Variants in IL1RAPL2 observed in about 807,000 individuals in gnomAD.
The protein encoded by IL1RAPL2 is interleukin 1 receptor accessory protein like 2.
Under a neutral mutation model 44.1 loss-of-function variants are expected in IL1RAPL2, and 3 were observed. That is an observed-to-expected ratio of 0.07 (90% CI 0.03 to 0.18). The LOEUF is 0.18. Among genes scored for constraint, IL1RAPL2 ranks in the 10% least tolerant of loss-of-function variants. The pLI is 1.00. For synonymous variants in IL1RAPL2, 181 were observed against 178.8 expected (o/e 1.01, Z -0.10); for missense variants, 391 against 496.4 (o/e 0.79, Z 2.02).
At chrX:105,351,882 A>T (rs755402610) in intron 5 of IL1RAPL2, among the ~76,000 whole-genome samples, 3 of 111,829 alleles carry the variant, frequency 2.7e-5, no homozygotes, top group Admixed American at 9.5e-5. Flanking sequence ...TTTAATGTCC[A>T]TACTTGGCAA....
At chrX:105,380,206 G>A (rs758009192) in intron 5 of IL1RAPL2, among the ~76,000 whole-genome samples, 55 of 111,485 alleles carry the variant, frequency 4.9e-4, no homozygotes, top group Admixed American at 3.6e-3. Flanking sequence ...TGAGGAAAAC[G>A]AATTTTATAT....
At chrX:104,710,224 G>A (rs1455953434) in intron 2 of IL1RAPL2, among the ~76,000 whole-genome samples, 2 of 111,458 alleles carry the variant, frequency 1.8e-5, no homozygotes, top group Non-Finnish European at 3.8e-5. Context: ...GCCAAAAGGT[G>A]CAAATGGGCC....
chrX:104,613,289 T>G (rs1319227438), intron 1 of IL1RAPL2, among the ~76,000 whole-genome samples: 1 of 111,747 alleles, frequency 8.9e-6, no homozygotes, highest in Non-Finnish European at 1.9e-5. Flanking sequence ...AGTATAATGT[T>G]GGCTGTGGGT....
At chrX:104,599,466 T>A (rs1308378140) in intron 1 of IL1RAPL2, among the ~76,000 whole-genome samples, 2 of 109,925 alleles carry the variant, frequency 1.8e-5, no homozygotes, top group Non-Finnish European at 3.8e-5. Context: ...GAGGCTGATC[T>A]CGAACTCCTG....
intron 2 of IL1RAPL2, among the ~76,000 whole-genome samples, chrX:104,689,022 C>A (rs1931040887): frequency 1.8e-5 from 2 of 111,384 alleles, no homozygotes; most frequent in African/African-American, 3.3e-5. Context: ...TACCATCTGA[C>A]CTTCAAAGTT....
At chrX:104,957,816 C>T (rs958615697) in intron 2 of IL1RAPL2, among the ~76,000 whole-genome samples, 2 of 111,839 alleles carry the variant, frequency 1.8e-5, no homozygotes, top group African/African-American at 6.5e-5. Context: ...GGCACAGTGG[C>T]TCATGCCTAT....
intron 2 of IL1RAPL2, among the ~76,000 whole-genome samples, chrX:104,921,191 G>T (rs1924628111): frequency 9.0e-6 from 1 of 111,667 alleles, no homozygotes; most frequent in Non-Finnish European, 1.9e-5. Context: ...GAGCCCAAAA[G>T]TCTTCAGTGT....
intron 1 of IL1RAPL2, among the ~76,000 whole-genome samples, chrX:104,655,739 A>G (rs1447206469): frequency 4.5e-5 from 5 of 111,903 alleles, no homozygotes; most frequent in Non-Finnish European, 7.5e-5. Flanking sequence ...ACAGTTTCCA[A>G]AGGAATGGTA....
chrX:105,405,517 GGGCA>G (rs762175797), intron 5 of IL1RAPL2: 1 of 458,876 alleles, frequency 2.2e-6, no homozygotes, highest in East Asian at 3.7e-5. Context: ...TTTTAGCCAA[GGGCA>G]GGAAGGTGGC....
intron 6 of IL1RAPL2, among the ~76,000 whole-genome samples, chrX:105,707,509 A>G (rs999994798): frequency 2.7e-5 from 3 of 112,165 alleles, no homozygotes; most frequent in Non-Finnish European, 5.6e-5. Flanking sequence ...TATGGTTTCC[A>G]TCCTTAAAGA....
At chrX:105,026,412 T>C (rs2031373086) in intron 2 of IL1RAPL2, among the ~76,000 whole-genome samples, 2 of 110,652 alleles carry the variant, frequency 1.8e-5, no homozygotes, top group African/African-American at 6.6e-5. Context: ...AGTAAAATTA[T>C]ACTGCTTTGC....
intron 5 of IL1RAPL2, among the ~76,000 whole-genome samples, chrX:105,272,427 C>T (rs1445419690): frequency 1.8e-5 from 2 of 111,941 alleles, no homozygotes; most frequent in Non-Finnish European, 3.8e-5. Context: ...TGCTTTTATG[C>T]AGCTTTTTAG....
chrX:105,692,706 A>G (rs2038045517), intron 6 of IL1RAPL2, among the ~76,000 whole-genome samples: 1 of 108,574 alleles, frequency 9.2e-6, no homozygotes, highest in Non-Finnish European at 1.9e-5. Context: ...GGCAGGATTG[A>G]GGTTGGTGAG....
intron 3 of IL1RAPL2, among the ~76,000 whole-genome samples, chrX:105,222,399 C>T (rs1439389948): frequency 8.9e-6 from 1 of 112,215 alleles, no homozygotes; most frequent in Middle Eastern, 4.6e-3. Context: ...ACCCCAGAGG[C>T]ATAAAGTCCC....
intron 2 of IL1RAPL2, among the ~76,000 whole-genome samples, chrX:104,998,581 C>G (rs887633468): frequency 3.6e-5 from 4 of 110,164 alleles, no homozygotes; most frequent in Non-Finnish European, 7.6e-5. Flanking sequence ...CGAGACCATC[C>G]TGGGAAACAT....
intron 5 of IL1RAPL2, among the ~76,000 whole-genome samples, chrX:105,454,686 T>C (rs779066467): frequency 2.1e-4 from 24 of 111,637 alleles, no homozygotes; most frequent in African/African-American, 7.5e-4. Context: ...ATAGCTTATA[T>C]AAACAGATCT....
intron 6 of IL1RAPL2, among the ~76,000 whole-genome samples, chrX:105,569,631 A>G (rs2147809976): frequency 8.9e-6 from 1 of 111,950 alleles, no homozygotes; most frequent in South Asian, 3.7e-4. Context: ...TGATTACCAT[A>G]GACAGAGCCT....
At chrX:104,780,482 C>A (rs971734405) in intron 2 of IL1RAPL2, among the ~76,000 whole-genome samples, 1 of 111,518 alleles carries the variant, frequency 9.0e-6, no homozygotes, top group African/African-American at 3.3e-5. Context: ...CCATGGTATT[C>A]TTGTAGTATT....
intron 2 of IL1RAPL2, among the ~76,000 whole-genome samples, chrX:104,841,205 G>A (rs1295967449): frequency 1.8e-5 from 2 of 111,655 alleles, no homozygotes; most frequent in African/African-American, 6.5e-5. Flanking sequence ...GACGGAGATT[G>A]CAACCCCTGC....
Sources: allele counts gnomAD v4.1 joint callset (sites outside exome capture counted in the v4.1 genomes callset), GRCh38; gene constraint gnomAD v4.1.1; transcripts MANE v1.5; gene names NCBI Gene and HGNC (gene_info 2026-07-23, HGNC 2026-07-21).